Variants in MARCHF1 observed in about 807,000 individuals in gnomAD.
MARCHF1 encodes membrane associated ring-CH-type finger 1, also known as E3 ubiquitin-protein ligase MARCHF1.
A neutral mutation model predicts 54.2 loss-of-function variants in MARCHF1; 40 were observed. That is an observed-to-expected ratio of 0.74 (90% confidence interval 0.57 to 0.96). MARCHF1 has a LOEUF of 0.96. MARCHF1 is among the 40% of genes least tolerant of loss of function. MARCHF1 has a pLI of 0.00. For synonymous variants in MARCHF1, 236 were observed against 236.3 expected (o/e 1.00, Z 0.01); for missense variants, 586 against 656.5 (o/e 0.89, Z 1.17).
At chr4:164,211,162 A>G (rs969952087) in intron 1 of MARCHF1, among the ~76,000 whole-genome samples, 8 of 151,934 alleles carry the variant, frequency 5.3e-5, no homozygotes, top group Non-Finnish European at 8.8e-5. Context: ...GATCATAGTA[A>G]TAATGCACTG....
chr4:163,729,370 T>C (rs1187226242), intron 4 of MARCHF1, among the ~76,000 whole-genome samples: 1 of 151,850 alleles, frequency 6.6e-6, no homozygotes, highest in Non-Finnish European at 1.5e-5. Flanking sequence ...AATTTCTTTT[T>C]AAATGTACAG....
intron 2 of MARCHF1, among the ~76,000 whole-genome samples, chr4:164,031,371 T>C (rs1406192420): frequency 6.6e-6 from 1 of 152,124 alleles, no homozygotes; most frequent in East Asian, 1.9e-4. Flanking sequence ...TCTATTTGAC[T>C]CTTCTCTCTT....
chr4:163,896,648 G>T (rs556342847), intron 3 of MARCHF1, among the ~76,000 whole-genome samples: 1 of 152,154 alleles, frequency 6.6e-6, no homozygotes, highest in South Asian at 2.1e-4. Context: ...AACATAGTTG[G>T]CAGATAAGTT....
intron 2 of MARCHF1, among the ~76,000 whole-genome samples, chr4:164,045,101 T>A (rs1034592916): frequency 7.2e-5 from 11 of 151,726 alleles, no homozygotes; most frequent in Admixed American, 3.9e-4. Flanking sequence ...GCATAATAAC[T>A]AAAAAAATTA....
chr4:164,141,882 G>A (rs571708348), intron 1 of MARCHF1, among the ~76,000 whole-genome samples: 5 of 152,288 alleles, frequency 3.3e-5, no homozygotes, highest in African/African-American at 1.2e-4. Flanking sequence ...CAGAAGACCG[G>A]TGATTTCTGC....
chr4:163,770,744 G>C (rs2220827), intron 4 of MARCHF1, among the ~76,000 whole-genome samples: 120,504 of 152,158 alleles, frequency 0.79, 48,964 homozygotes, highest in South Asian at 0.9. Context: ...TGGGAAAAAG[G>C]TTGAGAGGGG....
chr4:164,257,977 CA>C (rs1733341383), intron 1 of MARCHF1, among the ~76,000 whole-genome samples: 1 of 152,078 alleles, frequency 6.6e-6, no homozygotes, highest in African/African-American at 2.4e-5. Flanking sequence ...GCACTGTTCA[CA>C]ATAGCAAAGA....
intron 1 of MARCHF1, among the ~76,000 whole-genome samples, chr4:164,140,280 T>C (rs953229393): frequency 4.0e-5 from 6 of 151,062 alleles, no homozygotes; most frequent in African/African-American, 1.2e-4. Flanking sequence ...CCAATTGTCC[T>C]ATAGAATTGA....
chr4:164,209,776 G>A (rs1458939800), intron 1 of MARCHF1, among the ~76,000 whole-genome samples: 1 of 151,688 alleles, frequency 6.6e-6, no homozygotes, highest in Non-Finnish European at 1.5e-5. Flanking sequence ...TTGTATAATT[G>A]GAATATTTTA....
At chr4:164,099,808 T>G (rs1038029101) in intron 2 of MARCHF1, among the ~76,000 whole-genome samples, 1 of 152,166 alleles carries the variant, frequency 6.6e-6, no homozygotes, top group African/African-American at 2.4e-5. Flanking sequence ...ATAAATGCCT[T>G]TAAAAGCTGT....
intron 4 of MARCHF1, among the ~76,000 whole-genome samples, chr4:163,817,329 A>G (rs897578392): frequency 3.0e-4 from 45 of 150,096 alleles, no homozygotes; most frequent in African/African-American, 1.1e-3. Context: ...ATATACACAT[A>G]TACATATATA....
At chr4:163,699,890 T>A (rs1744751648) in intron 5 of MARCHF1, among the ~76,000 whole-genome samples, 1 of 152,156 alleles carries the variant, frequency 6.6e-6, no homozygotes, top group Non-Finnish European at 1.5e-5. Context: ...ATCTAGAGTA[T>A]GTCTCTCAAA....
At chr4:163,931,193 T>A (rs912472665) in intron 3 of MARCHF1, among the ~76,000 whole-genome samples, 1 of 152,196 alleles carries the variant, frequency 6.6e-6, no homozygotes, top group Non-Finnish European at 1.5e-5. Flanking sequence ...CTTGGACTTC[T>A]AGCCTCCAGA....
intron 1 of MARCHF1, among the ~76,000 whole-genome samples, chr4:164,268,461 A>T (rs1241155148): frequency 2.6e-5 from 4 of 152,174 alleles, no homozygotes; most frequent in Non-Finnish European, 5.9e-5. Context: ...AGAATTCTTT[A>T]TGAGCTCCCA....
At chr4:164,220,900 G>T (rs555745526) in intron 1 of MARCHF1, among the ~76,000 whole-genome samples, 1 of 150,866 alleles carries the variant, frequency 6.6e-6, no homozygotes, top group African/African-American at 2.4e-5. Flanking sequence ...GTAGTAGACA[G>T]TAGTAGACAT....
At chr4:164,213,173 C>A (rs1164921940) in intron 1 of MARCHF1, among the ~76,000 whole-genome samples, 4 of 150,106 alleles carry the variant, frequency 2.7e-5, no homozygotes, top group African/African-American at 4.9e-5. Context: ...TTCAATAATG[C>A]CTTTAATTAC....
In MARCHF1 at chr4:163,975,871, C is replaced by T. The variant is rs539021137; in HGVS notation, c.-39+12630G>A. On this transcript the variant is annotated intron_variant, in intron 3 of 9. Transcript: ENST00000514618. ...TAACAAACTGGATTATAAGTTGATA[C>T]ACAGGAAGCCCATACAATGTTTAAA... 3.9e-5 allele frequency among the ~76,000 whole-genome samples: 6 copies of T among 152,184 alleles called. No individual in the cohort carries two copies. The South Asian group carries it at 1.2e-3, about 32-fold the overall frequency.
At chr4:164,220,611 C>A (rs1207717304) in intron 1 of MARCHF1, among the ~76,000 whole-genome samples, 1 of 133,716 alleles carries the variant, frequency 7.5e-6, no homozygotes, top group Non-Finnish European at 1.6e-5. Flanking sequence ...AATATATATG[C>A]TATATATGCA....
chr4:164,123,141 A>G (rs1327539601), intron 1 of MARCHF1, among the ~76,000 whole-genome samples: 1 of 152,098 alleles, frequency 6.6e-6, no homozygotes, highest in Non-Finnish European at 1.5e-5. Context: ...ACATAGAAAA[A>G]CCAGTAGCCT....
Sources: gnomAD v4.1 joint callset for allele counts (sites outside exome capture counted in the v4.1 genomes callset) on GRCh38, gnomAD v4.1.1 for gene constraint, MANE v1.5 for transcripts, NCBI Gene and HGNC (gene_info 2026-07-23, HGNC 2026-07-21) for gene names.